The following EEPD1 variants were observed in gnomAD, a reference collection of about 807,000 sequenced individuals.
EEPD1 encodes the protein endonuclease/exonuclease/phosphatase family domain-containing protein 1.
In EEPD1, 17 loss-of-function variants were observed where a neutral mutation model predicts 46.3. The ratio of observed to expected loss-of-function variants is 0.37; its 90% CI spans 0.25 to 0.55. The LOEUF is 0.55. Among genes scored for constraint, EEPD1 ranks in the 20% least tolerant of loss-of-function variants. The pLI, the probability that EEPD1 is intolerant of heterozygous loss-of-function variation, is 0.83. For missense variants in EEPD1, 673 were observed against 745.6 expected, an observed-to-expected ratio of 0.90 and a Z score of 1.13; for synonymous variants, 313 against 315.6, an observed-to-expected ratio of 0.99 and a Z score of 0.09.
At chr7:36,171,916 A>G (rs1785090119) in intron 2 of EEPD1, among the ~76,000 whole-genome samples, 1 of 152,214 alleles carries the variant, frequency 6.6e-6, no homozygotes, top group African/African-American at 2.4e-5. Context: ...TCAAGACCAA[A>G]CTGTGAAGTT....
intron 3 of EEPD1, among the ~76,000 whole-genome samples, chr7:36,252,511 C>A (rs1786765364): frequency 6.6e-6 from 1 of 152,198 alleles, no homozygotes. Flanking sequence ...TTTCTATCTC[C>A]TTGAGATGCC....
At chr7:36,249,761 G>C (rs1786704596) in intron 3 of EEPD1, among the ~76,000 whole-genome samples, 1 of 152,080 alleles carries the variant, frequency 6.6e-6, no homozygotes, top group South Asian at 2.1e-4. Context: ...CTACAGCTGT[G>C]GACAAGACCT....
At chr7:36,281,655 T>C (rs931916807) in intron 4 of EEPD1, among the ~76,000 whole-genome samples, 1 of 152,250 alleles carries the variant, frequency 6.6e-6, no homozygotes, top group Non-Finnish European at 1.5e-5. Flanking sequence ...ATAGAAATGT[T>C]CTATTGAAAT....
intron 2 of EEPD1, among the ~76,000 whole-genome samples, chr7:36,195,715 T>A (rs1017120577): frequency 6.6e-6 from 1 of 152,170 alleles, no homozygotes; most frequent in Non-Finnish European, 1.5e-5. Flanking sequence ...TAACAATGTA[T>A]TCTATAATTG....
intron 2 of EEPD1, chr7:36,230,771 G>C (rs764092046): frequency 6.6e-6 from 1 of 152,218 alleles, no homozygotes; most frequent in Non-Finnish European, 1.5e-5. Flanking sequence ...AGGGGCAGAG[G>C]CTGCTTTTGC....
rs1223050805 is a variant in EEPD1, at chr7:36,154,815, T to G, written c.491T>G (p.Phe164Cys). The G allele has an allele frequency of 6.2e-7, 1 of 1,614,184 alleles. No individual in the cohort carries two copies. The highest frequency in any genetic ancestry group is 1.7e-5 in the Admixed American group (1 of 60,024). ...AAAATGGCCCTCAGCATCGTGGACT[T>G]CCGCCGTGAGCATGGGCCCTTTCGC... ...SEKMALSIVDFRREHGPFRSV... is the reference protein window; with the variant it reads ...SEKMALSIVDCRREHGPFRSV... Residue 164 changes from phenylalanine to cysteine, a missense_variant, in exon 2 of 8, where the codon TTC (phenylalanine) becomes TGC (cysteine). Physicochemically the swap from Phe to Cys is radical, Grantham distance 205. Transcript: ENST00000242108. The surrounding 1 kb of genome is among the most constrained non-coding windows in gnomAD (Gnocchi z 4.2).
intron 3 of EEPD1, among the ~76,000 whole-genome samples, chr7:36,264,594 C>T (rs1458769817): frequency 6.6e-6 from 1 of 152,202 alleles, no homozygotes; most frequent in African/African-American, 2.4e-5. Context: ...TTATATGGTC[C>T]TTGCCTGGTA....
intron 2 of EEPD1, among the ~76,000 whole-genome samples, chr7:36,200,749 G>T (rs983636316): frequency 2.0e-5 from 3 of 152,060 alleles, no homozygotes; most frequent in African/African-American, 7.2e-5. Context: ...GTGGTTGCCG[G>T]CTCCACGTTA....
At chr7:36,246,852 G>A (rs939423976) in intron 3 of EEPD1, among the ~76,000 whole-genome samples, 13 of 152,116 alleles carry the variant, frequency 8.5e-5, no homozygotes, top group Admixed American at 4.6e-4. Flanking sequence ...TGGGCTGGGC[G>A]CAGTGTCTCA....
chr7:36,221,525 C>G (rs567174658), intron 2 of EEPD1, among the ~76,000 whole-genome samples: 2 of 152,324 alleles, frequency 1.3e-5, no homozygotes, highest in South Asian at 4.1e-4. Flanking sequence ...AACAGGGACA[C>G]TGCAGGACTG....
intron 2 of EEPD1, among the ~76,000 whole-genome samples, chr7:36,164,557 GTTTA>G (rs1395918632): frequency 6.6e-6 from 1 of 152,204 alleles, no homozygotes; most frequent in Non-Finnish European, 1.5e-5. Context: ...TACCCATGTT[GTTTA>G]TTTAAGCTAA....
intron 3 of EEPD1, among the ~76,000 whole-genome samples, chr7:36,271,392 G>A (rs545774979): frequency 8.5e-5 from 13 of 152,220 alleles, no homozygotes; most frequent in Admixed American, 7.2e-4. Context: ...ATGTTTGTTG[G>A]CCGCATAAAT....
chr7:36,300,612 G>A lies in EEPD1; in HGVS notation c.*1406G>A, dbSNP rs577184027. ...GCTTTCCACACCGAACACTAAATGT[G>A]GACCAGTATCAAGAACCCTCCTGTC... On this transcript the variant is annotated 3_prime_UTR_variant, in exon 8 of 8. Coordinates refer to ENST00000242108, the MANE Select transcript of EEPD1 (RefSeq NM_030636.3). 1 of 152,352 alleles carries A rather than the reference G, an allele frequency of 6.6e-6. No individual in the cohort carries two copies. The highest frequency in any genetic ancestry group is 1.5e-5 in the Non-Finnish European group (1 of 68,050). 9.4% of individuals were successfully genotyped at this position (152,352 alleles called of 1,614,324 possible).
At chr7:36,227,471 C>A (rs1786249329) in intron 2 of EEPD1, among the ~76,000 whole-genome samples, 1 of 152,200 alleles carries the variant, frequency 6.6e-6, no homozygotes, top group Non-Finnish European at 1.5e-5. Context: ...GAGCTCATCC[C>A]TCCTCCTGGG....
At position 36,241,177 on chromosome 7, in the gene EEPD1, T is replaced by TA. The variant is rs550635250; in HGVS notation, c.930+2148dup. Among the ~76,000 whole-genome samples, 4 of 152,218 alleles carry TA rather than the reference T, an allele frequency of 2.6e-5. No individual in the cohort carries two copies. In the South Asian group the frequency reaches 6.2e-4, roughly 24 times the overall value. ...TGGTTATTCATTTTATTTCTCAATT[T>TA]AAAAAAACCATCAGATGGCTGGGTG... On this transcript the variant is annotated intron_variant, in intron 3 of 7. Coordinates refer to ENST00000242108, the MANE Select transcript of EEPD1 (RefSeq NM_030636.3).
At chr7:36,183,888 T>TTTTTTTTGTTTTTTTTTTTTTTTTG (rs3053348) in intron 2 of EEPD1, among the ~76,000 whole-genome samples, 1 of 135,418 alleles carries the variant, frequency 7.4e-6, no homozygotes, top group Non-Finnish European at 1.6e-5. Flanking sequence ...TTTTTTTTTT[T>TTTTTTTTGTTTTTTTTTTTTTTTTG]ATTTTTAAAA....
At position 36,287,695 on chromosome 7, in the gene EEPD1, G is replaced by A. The variant is rs375318413; in HGVS notation, c.1233G>A (p.Leu411=). The A allele has an allele frequency of 9.3e-6, 15 of 1,614,030 alleles. No homozygotes were observed. In the African/African-American group the frequency reaches 1.7e-4, roughly 19 times the overall value. Residue 411 remains leucine (L), a synonymous_variant, in exon 6 of 8, where the codon CTG becomes CTA. Coordinates refer to ENST00000242108, the MANE Select transcript of EEPD1 (RefSeq NM_030636.3). ...TTCACCTGGCAGCCCTGACCCTCCT[G>A]GGGAGCGAGAATCCCAGCAAGAATC... The part of the protein sequence containing the change: ...VNLHLAALTL[L]GSENPSKNHS...
intron 2 of EEPD1, among the ~76,000 whole-genome samples, chr7:36,163,605 C>T (rs567929307): frequency 1.9e-4 from 29 of 152,120 alleles, no homozygotes; most frequent in Non-Finnish European, 3.5e-4. Context: ...TCAGGCTGGG[C>T]GCGGTGGCTC....
At chr7:36,287,856 C>T (rs1415279435) in intron 6 of EEPD1, 79 bp downstream of exon 6, 1 of 1,547,206 alleles carries the variant, frequency 6.5e-7, no homozygotes, top group Non-Finnish European at 8.7e-7. Context: ...CATCTCTGAC[C>T]ACTTGGGCTG....
Sources: allele counts gnomAD v4.1 joint callset (sites outside exome capture counted in the v4.1 genomes callset), GRCh38; gene constraint gnomAD v4.1.1; non-coding constraint Gnocchi (gnomAD v3.1); transcripts MANE v1.5; gene names NCBI Gene and HGNC (gene_info 2026-07-23, HGNC 2026-07-21).